Variants in RHOQ observed in about 807,000 individuals in gnomAD.
The protein encoded by RHOQ is rho-related GTP-binding protein RhoQ.
Under a neutral mutation model 25.8 loss-of-function variants are expected in RHOQ, and 7 were observed. The ratio of observed to expected loss-of-function variants is 0.27; its 90% confidence interval spans 0.15 to 0.51. RHOQ has a LOEUF of 0.51. RHOQ is among the 20% of genes least tolerant of loss of function. RHOQ has a pLI of 0.97. For missense variants in RHOQ, 165 were observed against 260.6 expected, an observed-to-expected ratio of 0.63 and a Z score of 2.53; for synonymous variants, 97 against 98.6, an observed-to-expected ratio of 0.98 and a Z score of 0.10.
chr2:46,564,756 A>G (rs1031616337), intron 2 of RHOQ, among the ~76,000 whole-genome samples: 3 of 152,228 alleles, frequency 2.0e-5, no homozygotes, highest in African/African-American at 4.8e-5. Context: ...ATGTATGTCA[A>G]CTGGGGACTT....
At chr2:46,562,449 T>C (rs1237546158) in intron 2 of RHOQ, among the ~76,000 whole-genome samples, 1 of 152,252 alleles carries the variant, frequency 6.6e-6, no homozygotes, top group South Asian at 2.1e-4. Flanking sequence ...ATCTGTACTG[T>C]TGCTTCTCTT....
At chr2:46,574,181 T>C (rs1467567054) in intron 2 of RHOQ, among the ~76,000 whole-genome samples, 1 of 152,236 alleles carries the variant, frequency 6.6e-6, no homozygotes, top group Non-Finnish European at 1.5e-5. Flanking sequence ...TCCTAAGGGA[T>C]AGTATCCCCA....
intron 2 of RHOQ, among the ~76,000 whole-genome samples, chr2:46,554,026 G>A (rs927546653): frequency 6.6e-6 from 1 of 151,926 alleles, no homozygotes; most frequent in Non-Finnish European, 1.5e-5. Flanking sequence ...GTGAGAATAC[G>A]TGATGTTTGT....
Position 46,542,626 on chromosome 2 carries a change from G to C in RHOQ, c.-421G>C, listed in dbSNP as rs1318273008. ...GAGGCGCCTGGGCCCGCCCTCCTCCGGGGCGCCGCGGGAGGGGCCCGGGTT... is the reference window on the plus strand; with the variant it reads ...GAGGCGCCTGGGCCCGCCCTCCTCCCGGGCGCCGCGGGAGGGGCCCGGGTT... On this transcript the variant is annotated 5_prime_UTR_variant, in exon 1 of 5. Transcript: ENST00000238738. 3 of 146,510 alleles carry C rather than the reference G, an allele frequency of 2.0e-5. No individual in the cohort carries two copies. Among genetic ancestry groups the C allele is most frequent in the African/African-American group, 7.3e-5 (3 of 40,860 alleles). 9.1% of individuals were successfully genotyped at this position (146,510 alleles called of 1,614,324 possible).
chr2:46,570,661 A>T (rs1033339909), intron 2 of RHOQ, among the ~76,000 whole-genome samples: 5 of 152,192 alleles, frequency 3.3e-5, no homozygotes, highest in Admixed American at 2.6e-4. Flanking sequence ...CTAGAAACAG[A>T]TGTTGTAGAT....
Position 46,552,352 on chromosome 2 carries a change from C to G in RHOQ, c.201+8540C>G, listed in dbSNP as rs547097184. ...TGCCATTTGCCTAAAGCTGTGGCCC[C>G]TTCCCAGAAGAGAGGGACAGGGAAA... On this transcript the variant is annotated intron_variant, in intron 2 of 4. Coordinates refer to ENST00000238738, the MANE Select transcript of RHOQ (RefSeq NM_012249.4). This position sits in a 1 kb window ranked among gnomAD's most constrained non-coding sequence, Gnocchi z 5.0. 2.6e-5 allele frequency among the ~76,000 whole-genome samples: 4 copies of G among 152,304 alleles called. No individual in the cohort carries two copies. The East Asian group carries it at 7.7e-4, about 29-fold the overall frequency.
rs1384203133 is a variant in RHOQ, at chr2:46,542,711, G to T, written c.-336G>T. On this transcript the variant is annotated 5_prime_UTR_variant, in exon 1 of 5. Coordinates refer to ENST00000238738, the MANE Select transcript of RHOQ (RefSeq NM_012249.4). ...CTCCGCCGCCCTCCCCAAAGTTGCCGTCTCCCCCGGGGCCGGCCGGTCTTA... is the reference window on the plus strand; with the variant it reads ...CTCCGCCGCCCTCCCCAAAGTTGCCTTCTCCCCCGGGGCCGGCCGGTCTTA... 6.8e-6 allele frequency: 1 copy of T among 146,818 alleles called. No homozygotes were observed. The highest frequency in any genetic ancestry group is 2.4e-5 in the African/African-American group (1 of 40,934). 9.1% of individuals were successfully genotyped at this position (146,818 alleles called of 1,614,324 possible). A position where few individuals can be genotyped will look rare whatever the true frequency, so the allele number is the denominator to read the frequency against.
chr2:46,579,039 T>G (rs1669245747), intron 4 of RHOQ, among the ~76,000 whole-genome samples: 1 of 152,228 alleles, frequency 6.6e-6, no homozygotes, highest in Non-Finnish European at 1.5e-5. Context: ...CTGAATTGTT[T>G]ATAATGGCAA....
At chr2:46,575,399 TCACACACACACACACACACACACACA>T (rs56002979) in intron 2 of RHOQ, among the ~76,000 whole-genome samples, 5 of 138,228 alleles carry the variant, frequency 3.6e-5, no homozygotes, top group Non-Finnish European at 6.3e-5. Flanking sequence ...CTTTAAATCT[TCACACACACACACACACACACACACA>T]CACACACACA....
chr2:46,576,645 C>G lies in RHOQ; in HGVS notation c.451C>G (p.Leu151Val), dbSNP rs199596438. 3 of 1,589,064 alleles carry G rather than the reference C, an allele frequency of 1.9e-6. No individual in the cohort carries two copies. ...TATATGTGTGGAACAAGGACAGAAA[C>G]TAGCAAAAGAGGTAATGGAACACTC... ...KPICVEQGQK[L>V]AKEIGACCYV... is the part of the protein sequence containing the mutation. Residue 151 changes from leucine to valine, a missense_variant, in exon 4 of 5, where the codon CTA becomes GTA. Leu to Val is a conservative substitution (Grantham distance 32, BLOSUM62 1). Transcript: ENST00000238738. The surrounding 1 kb of genome is among the most constrained non-coding windows in gnomAD (Gnocchi z 5.1).
chr2:46,549,498 T>C (rs1259516371), intron 2 of RHOQ, among the ~76,000 whole-genome samples: 3 of 152,118 alleles, frequency 2.0e-5, no homozygotes, highest in Non-Finnish European at 4.4e-5. Context: ...CTGTGGGTGC[T>C]ACAGAGGCCT....
rs200656175 is a variant in RHOQ at position 46,563,959 on chromosome 2, A to AT, written c.202-12120dup. On this transcript the variant is annotated intron_variant, in intron 2 of 4. Coordinates refer to ENST00000238738, the MANE Select transcript of RHOQ (RefSeq NM_012249.4). ...GCCACCACGCCCAGCCCCTGTGTGT[A>AT]TTTTTTTTAAATTGAGGTGAAATTT... Among the ~76,000 whole-genome samples the AT allele has an allele frequency of 1.7e-3, 262 of 151,504 alleles. 5 individuals are homozygous for AT. The East Asian group carries it at 0.046, about 27-fold the overall frequency.
chr2:46,576,685 T>G lies in RHOQ; in HGVS notation c.462+29T>G, dbSNP rs1669140471. 1 of 1,417,864 alleles carries G rather than the reference T, an allele frequency of 7.1e-7. No individual in the cohort carries two copies. Among genetic ancestry groups the G allele is most frequent in the Non-Finnish European group, 9.9e-7 (1 of 1,014,874 alleles). 87.8% of individuals were successfully genotyped at this position (1,417,864 alleles called of 1,614,324 possible). Reference sequence around the variant, plus strand: ...ATGGAACACTCACAGAATTTAAGCATGAATGTAAAAGATGCTAAGATAACA... The same window carrying G: ...ATGGAACACTCACAGAATTTAAGCAGGAATGTAAAAGATGCTAAGATAACA... On this transcript the variant is annotated intron_variant, in intron 4 of 4. Coordinates refer to ENST00000238738, the MANE Select transcript of RHOQ (RefSeq NM_012249.4). The surrounding 1 kb of genome is among the most constrained non-coding windows in gnomAD (Gnocchi z 5.1).
In RHOQ at chr2:46,571,019, G is replaced by A. The variant is rs1190941799; in HGVS notation, c.202-5068G>A. ...TCACTGATAAGTCTCCCGTTTTTCA[G>A]ACAGAGAAACTAAGGCCCTAAGGAA... On this transcript the variant is annotated intron_variant, in intron 2 of 4. Coordinates refer to ENST00000238738, the MANE Select transcript of RHOQ (RefSeq NM_012249.4). 2.6e-5 allele frequency among the ~76,000 whole-genome samples: 4 copies of A among 152,256 alleles called. No homozygotes were observed. The East Asian group carries it at 7.7e-4, about 29-fold the overall frequency.
At chr2:46,568,163 A>G (rs1668793950) in intron 2 of RHOQ, 1 of 152,246 alleles carries the variant, frequency 6.6e-6, no homozygotes, top group Non-Finnish European at 1.5e-5. Context: ...TCATGCGATT[A>G]TAAAAGGTGT....
chr2:46,576,501 C>T lies in RHOQ; in HGVS notation c.367-60C>T. On this transcript the variant is annotated intron_variant, in intron 3 of 4. Transcript: ENST00000238738. The surrounding 1 kb of genome is among the most constrained non-coding windows in gnomAD (Gnocchi z 5.1). ...TGTGGGAATTAAGTGGGATTACATG[C>T]TTTGATTTTTCTTTAAAGATTTGTA... 1.8e-6 allele frequency: 2 copies of T among 1,101,238 alleles called. No homozygotes were observed. Among genetic ancestry groups the T allele is most frequent in the East Asian group, 2.4e-5 (1 of 41,034 alleles). The allele number at this position is 1,101,238 out of a possible 1,614,324, so 68.2% of individuals were successfully genotyped here. A position where few individuals can be genotyped will look rare whatever the true frequency, so the allele number is the denominator to read the frequency against.
chr2:46,570,599 C>G (rs1668881707), intron 2 of RHOQ, among the ~76,000 whole-genome samples: 1 of 152,130 alleles, frequency 6.6e-6, no homozygotes, highest in Non-Finnish European at 1.5e-5. Context: ...TGTGTAGCAC[C>G]CTTTGAAGGG....
At chr2:46,578,907 T>A (rs1669239950) in intron 4 of RHOQ, among the ~76,000 whole-genome samples, 1 of 152,138 alleles carries the variant, frequency 6.6e-6, no homozygotes, top group African/African-American at 2.4e-5. Flanking sequence ...TGTGTGTGTG[T>A]GTATATGTAT....
At chr2:46,562,418 T>C (rs541365166) in intron 2 of RHOQ, among the ~76,000 whole-genome samples, 1 of 152,362 alleles carries the variant, frequency 6.6e-6, no homozygotes, top group South Asian at 2.1e-4. Context: ...TAAAGTTCTA[T>C]TGTTACTAGT....
Sources: allele counts gnomAD v4.1 joint callset (sites outside exome capture counted in the v4.1 genomes callset), GRCh38; gene constraint gnomAD v4.1.1; non-coding constraint Gnocchi (gnomAD v3.1); transcripts MANE v1.5; gene names NCBI Gene and HGNC (gene_info 2026-07-23, HGNC 2026-07-21).